ADRA1A: variants seen among roughly 807,000 people sequenced by gnomAD.
The protein encoded by ADRA1A is alpha-1A adrenergic receptor.
Under a neutral mutation model 29.6 loss-of-function variants are expected in ADRA1A, and 31 were observed. The observed-to-expected ratio is 1.05, with a 90% CI of 0.79 to 1.41. ADRA1A has a LOEUF of 1.41. Among genes scored for constraint, ADRA1A ranks in the 40% most tolerant of loss-of-function variants. ADRA1A has a pLI of 0.00. For synonymous variants in ADRA1A, 311 were observed against 254.3 expected (o/e 1.22, Z -2.12); for missense variants, 619 against 601.1 (o/e 1.03, Z -0.31).
chr8:26,766,150 C>G (rs1805768614), downstream of ADRA1A: 1 of 1,599,024 alleles, frequency 6.3e-7, no homozygotes, highest in East Asian at 2.2e-5. Context: ...CCATTCCCCT[C>G]TGTCCAAACA....
intron 2 of ADRA1A, among the ~76,000 whole-genome samples, chr8:26,832,785 G>A (rs1231000128): frequency 6.6e-6 from 1 of 152,164 alleles, no homozygotes; most frequent in Non-Finnish European, 1.5e-5. Flanking sequence ...AGGCAAGCAG[G>A]ATGGGGTGGA....
At chr8:26,855,943 T>C (rs535799488) in intron 2 of ADRA1A, among the ~76,000 whole-genome samples, 1 of 152,264 alleles carries the variant, frequency 6.6e-6, no homozygotes, top group South Asian at 2.1e-4. Flanking sequence ...AGCAATGACT[T>C]TGTTACTAAG....
At chr8:26,862,445 C>G (rs1321508953) in intron 2 of ADRA1A, among the ~76,000 whole-genome samples, 1 of 152,214 alleles carries the variant, frequency 6.6e-6, no homozygotes, top group African/African-American at 2.4e-5. Flanking sequence ...TTGCTTATGT[C>G]TACCCTTTCC....
intron 2 of ADRA1A, among the ~76,000 whole-genome samples, chr8:26,798,514 T>C (rs559419968): frequency 1.3e-5 from 2 of 152,296 alleles, no homozygotes; most frequent in African/African-American, 4.8e-5. Context: ...TTTACTTTTG[T>C]TCAAAGGACA....
At chr8:26,763,688 C>T (rs1255830359), downstream of ADRA1A, among the ~76,000 whole-genome samples, 3 of 152,336 alleles carry the variant, frequency 2.0e-5, no homozygotes, top group East Asian at 5.8e-4. The surrounding 1 kb of genome is among the most constrained non-coding windows in gnomAD (Gnocchi z 4.5). Flanking sequence ...ATCTGTACTA[C>T]ACTGTTAGCT....
downstream of ADRA1A, chr8:26,766,187 G>A (rs757382695): frequency 7.7e-7 from 1 of 1,295,964 alleles, no homozygotes; most frequent in South Asian, 1.2e-5. Context: ...ACAGGTGAGT[G>A]AGAGTGAGTT....
At chr8:26,849,142 T>C (rs1812430566) in intron 2 of ADRA1A, among the ~76,000 whole-genome samples, 1 of 152,230 alleles carries the variant, frequency 6.6e-6, no homozygotes, top group Admixed American at 6.5e-5. Context: ...CTGAGAAGTT[T>C]CTTGAAACTA....
chr8:26,859,300 C>A, intron 2 of ADRA1A: 1 of 806,314 alleles, frequency 1.2e-6, no homozygotes, highest in Non-Finnish European at 1.7e-6. Flanking sequence ...CATATAACAT[C>A]TCGTTGACGA....
At chr8:26,783,331 A>G (rs1303773746) in intron 2 of ADRA1A, among the ~76,000 whole-genome samples, 1 of 152,222 alleles carries the variant, frequency 6.6e-6, no homozygotes, top group Admixed American at 6.5e-5. Flanking sequence ...AGAAGAGCAG[A>G]GAATTACATC....
At chr8:26,809,833 G>A (rs987179507) in intron 2 of ADRA1A, among the ~76,000 whole-genome samples, 1 of 152,118 alleles carries the variant, frequency 6.6e-6, no homozygotes, top group Non-Finnish European at 1.5e-5. Context: ...AAGATAAAAG[G>A]GTTACAATCA....
rs1345272627 is a variant in ADRA1A, at chr8:26,860,511, G to T, written c.883+3576C>A. On this transcript the variant is annotated intron_variant, in intron 2 of 2. Coordinates refer to ENST00000380573, the MANE Select transcript of ADRA1A (RefSeq NM_000680.4). This position sits in a 1 kb window ranked among gnomAD's most constrained non-coding sequence, Gnocchi z 4.7. ...TGTTATGACCGTAAATCTCAGATAG[G>T]CCTTCAGGACTTCCCAGTGACTCTA... Among the ~76,000 whole-genome samples the T allele has an allele frequency of 6.6e-6, 1 of 152,056 alleles. No homozygotes were observed. The highest frequency in any genetic ancestry group is 1.5e-5 in the Non-Finnish European group (1 of 68,018).
At chr8:26,801,971 G>C (rs1354343078) in intron 2 of ADRA1A, among the ~76,000 whole-genome samples, 1 of 152,030 alleles carries the variant, frequency 6.6e-6, no homozygotes, top group African/African-American at 2.4e-5. Context: ...TTTGACAAAG[G>C]TGCCACGAAT....
Position 26,770,399 on chromosome 8 carries a change from GTC to G in ADRA1A, c.1149_1150del (p.Glu383AspfsTer13). 2 of 1,614,202 alleles carry G rather than the reference GTC, an allele frequency of 1.2e-6. No individual in the cohort carries two copies. The highest frequency in any genetic ancestry group is 2.2e-5 in the South Asian group (2 of 91,086). The stretch of plus-strand genomic sequence containing the variant: ...ATCCGTCTTGGAGATCCTGTAGAAG[GTC>G]TCTCTTGATCCCACGGGGATGCGCA... On this transcript the variant is annotated frameshift_variant, in exon 3 of 3. Coordinates refer to ENST00000380573, the MANE Select transcript of ADRA1A (RefSeq NM_000680.4). LOFTEE classifies it high-confidence loss of function.
At position 26,865,045 on chromosome 8, in the gene ADRA1A, AGCCG is replaced by A; in HGVS notation, c.-80_-77del. The A allele has an allele frequency of 6.6e-7, 1 of 1,516,202 alleles. No individual in the cohort carries two copies. Among genetic ancestry groups the A allele is most frequent in the African/African-American group, 1.4e-5 (1 of 71,644 alleles). 93.9% of individuals were successfully genotyped at this position (1,516,202 alleles called of 1,614,324 possible). A position where few individuals can be genotyped will look rare whatever the true frequency, so the allele number is the denominator to read the frequency against. ...GCTGGCGCGGAGGCGGGAGCGCGGG[AGCCG>A]GGAATCAAAAGGTCTCGGCTGGAGG... is the stretch of plus-strand genomic sequence containing the variant. On this transcript the variant is annotated 5_prime_UTR_variant, in exon 2 of 3. Transcript: ENST00000380573. This position sits in a 1 kb window ranked among gnomAD's most constrained non-coding sequence, Gnocchi z 7.6.
Position 26,864,139 on chromosome 8 carries a change from C to G in ADRA1A, c.831G>C (p.Val277=). The G allele has an allele frequency of 6.2e-7, 1 of 1,614,162 alleles. No homozygotes were observed. Among genetic ancestry groups the G allele is most frequent in the South Asian group, 1.1e-5 (1 of 91,078 alleles). ...GCCAGCAGAGGACGAAGCAGCCGAC[C>G]ACGATGCCCAGCGTTTTGGCCGCTT... ...EKKAAKTLGI[V]VGCFVLCWLP... Residue 277 remains valine (V), a synonymous_variant, in exon 2 of 3, where the codon GTG becomes GTC. Coordinates refer to ENST00000380573, the MANE Select transcript of ADRA1A (RefSeq NM_000680.4). This position sits in a 1 kb window ranked among gnomAD's most constrained non-coding sequence, Gnocchi z 8.1.
chr8:26,855,683 A>C (rs759122147), intron 2 of ADRA1A, among the ~76,000 whole-genome samples: 3 of 152,354 alleles, frequency 2.0e-5, no homozygotes, highest in Non-Finnish European at 4.4e-5. Flanking sequence ...CCACAATGGC[A>C]CATGTACACC....
chr8:26,795,606 A>C (rs1046440493), intron 2 of ADRA1A, among the ~76,000 whole-genome samples: 1 of 152,132 alleles, frequency 6.6e-6, no homozygotes, highest in Non-Finnish European at 1.5e-5. Flanking sequence ...ACAAATTAAT[A>C]AATTTAGGCA....
chr8:26,789,342 C>T (rs1047802161), intron 2 of ADRA1A, among the ~76,000 whole-genome samples: 1 of 152,086 alleles, frequency 6.6e-6, no homozygotes, highest in Non-Finnish European at 1.5e-5. Context: ...AATAGAGAAT[C>T]CAGAAATCAA....
chr8:26,840,929 G>A (rs1811772078), intron 2 of ADRA1A, among the ~76,000 whole-genome samples: 3 of 152,196 alleles, frequency 2.0e-5, no homozygotes, highest in Admixed American at 2.0e-4. Context: ...ATGTGGGCAT[G>A]ATCACAGTTG....
Sources: gnomAD v4.1 joint callset for allele counts (sites outside exome capture counted in the v4.1 genomes callset) on GRCh38, gnomAD v4.1.1 for gene constraint, Gnocchi (gnomAD v3.1) non-coding constraint, MANE v1.5 for transcripts, NCBI Gene and HGNC (gene_info 2026-07-23, HGNC 2026-07-21) for gene names.